TMBIM4: variants seen among roughly 807,000 people sequenced by gnomAD.
TMBIM4 encodes transmembrane BAX inhibitor motif containing 4, also known as protein lifeguard 4.
A neutral mutation model predicts 27.7 loss-of-function variants in TMBIM4; 28 were observed. That is an observed-to-expected ratio of 1.01 (90% CI 0.75 to 1.38). The LOEUF is 1.38. TMBIM4 is among the 40% of genes most tolerant of loss of function. TMBIM4 has a pLI of 0.00. For synonymous variants in TMBIM4, 115 were observed against 113.1 expected, an observed-to-expected ratio of 1.02 and a Z score of -0.11; for missense variants, 265 against 277.5, an observed-to-expected ratio of 0.95 and a Z score of 0.32.
In TMBIM4 at chr12:66,154,497, T is replaced by C. The variant is rs574638991; in HGVS notation, c.98-1049A>G. ...CATTAAATTTATGAAGGGTAAATTT[T>C]ACTAGTCAGGGAAGAGAAAAAGTAT... is the stretch of plus-strand genomic sequence containing the variant. On this transcript the variant is annotated intron_variant, in intron 1 of 6. Coordinates refer to ENST00000358230, the MANE Select transcript of TMBIM4 (RefSeq NM_016056.4). Among the ~76,000 whole-genome samples the C allele has an allele frequency of 2.6e-5, 4 of 152,342 alleles. No individual in the cohort carries two copies. In the South Asian group the frequency reaches 8.3e-4, roughly 32 times the overall value.
chr12:66,145,882 A>G lies in TMBIM4; in HGVS notation c.423T>C (p.Tyr141=). 1.2e-6 allele frequency: 2 copies of G among 1,609,096 alleles called. No individual in the cohort carries two copies. Among genetic ancestry groups the G allele is most frequent in the Non-Finnish European group, 1.7e-6 (2 of 1,175,924 alleles). The change falls in exon 5 of 7, where the codon TAT becomes TAC. Residue 141 remains tyrosine, a synonymous_variant. Coordinates refer to ENST00000358230, the MANE Select transcript of TMBIM4 (RefSeq NM_016056.4). The part of the protein sequence containing the change: ...TTTVFFGLTV[Y]TLQSKKDFSK... ...TGAAATCCTTCTTAGATTGTAGAGT[A>G]TACACAGTCAAACCAAAAAATACTG...
intron 5 of TMBIM4, among the ~76,000 whole-genome samples, chr12:66,143,467 T>C (rs2051700285): frequency 6.6e-6 from 1 of 152,156 alleles, no homozygotes; most frequent in Non-Finnish European, 1.5e-5. Flanking sequence ...ACATACATCC[T>C]TCATGGCCTA....
Position 66,137,939 on chromosome 12 carries a change from G to C in TMBIM4, c.*21C>G, listed in dbSNP as rs763142045. 17 of 1,605,602 alleles carry C rather than the reference G, an allele frequency of 1.1e-5. No homozygotes were observed. The Admixed American group carries it at 1.2e-4, about 11-fold the overall frequency. Reference sequence around the variant, plus strand: ...ATTAAATTTTTTTTGTTGTTCTTCAGTTGAGCTGAGATACTTTTAATTACT... The same window carrying C: ...ATTAAATTTTTTTTGTTGTTCTTCACTTGAGCTGAGATACTTTTAATTACT... On this transcript the variant is annotated 3_prime_UTR_variant, in exon 7 of 7. Coordinates refer to ENST00000358230, the MANE Select transcript of TMBIM4 (RefSeq NM_016056.4).
Position 66,169,994 on chromosome 12 carries a change from A to G in TMBIM4, c.-43T>C. The G allele has an allele frequency of 7.3e-7, 1 of 1,375,428 alleles. No homozygotes were observed. The highest frequency in any genetic ancestry group is 1.5e-5 in the African/African-American group (1 of 65,408). 85.2% of individuals were successfully genotyped at this position (1,375,428 alleles called of 1,614,324 possible). ...TACCGGTCCCGGTCCACTAACCGCA[A>G]CCGCCTCCTCCCCACTTCCGCGAGG... On this transcript the variant is annotated 5_prime_UTR_variant, in exon 1 of 7. Coordinates refer to ENST00000358230, the MANE Select transcript of TMBIM4 (RefSeq NM_016056.4).
intron 5 of TMBIM4, chr12:66,139,712 A>T (rs1420708112): frequency 6.6e-6 from 3 of 455,944 alleles, no homozygotes; most frequent in Non-Finnish European, 1.3e-5. Context: ...TATGCACAGG[A>T]TTCCCCTAGA....
intron 3 of TMBIM4, among the ~76,000 whole-genome samples, chr12:66,150,622 G>A (rs56365678): frequency 0.22 from 32,822 of 151,606 alleles, 4,195 homozygotes; most frequent in Middle Eastern, 0.32. Flanking sequence ...TATGTTGCCC[G>A]GGCTGGTCTC....
intron 1 of TMBIM4, chr12:66,169,364 G>A (rs910397951): frequency 1.5e-6 from 1 of 646,354 alleles, no homozygotes; most frequent in Admixed American, 2.6e-5. Flanking sequence ...CTGCGGAGAG[G>A]AAATAGTGCC....
intron 5 of TMBIM4, among the ~76,000 whole-genome samples, chr12:66,140,247 A>C (rs540176912): frequency 1.1e-4 from 16 of 152,346 alleles, no homozygotes; most frequent in Admixed American, 9.8e-4. Context: ...CCCTAGTTCA[A>C]GATCGAGGAA....
chr12:66,152,713 A>C (rs1389486127), intron 2 of TMBIM4, among the ~76,000 whole-genome samples: 1 of 152,080 alleles, frequency 6.6e-6, no homozygotes. Context: ...CTTTCTTAGG[A>C]TATTTGCCAT....
chr12:66,139,329 G>C (rs1592532048), intron 5 of TMBIM4, among the ~76,000 whole-genome samples: 1 of 152,164 alleles, frequency 6.6e-6, no homozygotes, highest in East Asian at 1.9e-4. Flanking sequence ...TAAGAAGTCA[G>C]TCTTTTGTTA....
chr12:66,140,871 A>G (rs1476326414), intron 5 of TMBIM4, among the ~76,000 whole-genome samples: 1 of 152,220 alleles, frequency 6.6e-6, no homozygotes, highest in Non-Finnish European at 1.5e-5. Flanking sequence ...AAAAAATGGT[A>G]AAAGTAGCTC....
chr12:66,153,205 G>T, intron 2 of TMBIM4, 135 bp downstream of exon 2: 1 of 594,446 alleles, frequency 1.7e-6, no homozygotes, highest in Non-Finnish European at 2.9e-6. Flanking sequence ...AACTAATCAG[G>T]CTTATAAGAG....
intron 1 of TMBIM4, among the ~76,000 whole-genome samples, chr12:66,157,060 A>G (rs192951584): frequency 3.6e-4 from 55 of 152,258 alleles, no homozygotes; most frequent in East Asian, 2.9e-3. Flanking sequence ...AGCCCCCTCA[A>G]TAAAATTTTA....
intron 1 of TMBIM4, chr12:66,169,386 T>G (rs1238335051): frequency 1.6e-6 from 1 of 626,442 alleles, no homozygotes; most frequent in Non-Finnish European, 2.8e-6. Context: ...TCAGGGAGCT[T>G]CCAGCCTAGC....
In TMBIM4 at chr12:66,158,635, ACT is replaced by A. The variant is rs1352063024; in HGVS notation, c.98-5189_98-5188del. ...CACTGCAGCCTGGTGACAGAGCAAGACTCTGTCTCAAAAAAAAAAAAAAAATT... is the reference window on the plus strand; with the variant it reads ...CACTGCAGCCTGGTGACAGAGCAAGACTGTCTCAAAAAAAAAAAAAAAATT... On this transcript the variant is annotated intron_variant, in intron 1 of 6. Coordinates refer to ENST00000358230, the MANE Select transcript of TMBIM4 (RefSeq NM_016056.4). 2.7e-5 allele frequency among the ~76,000 whole-genome samples: 4 copies of A among 146,798 alleles called. No individual in the cohort carries two copies. In the South Asian group the frequency reaches 6.7e-4, roughly 25 times the overall value.
At chr12:66,146,776 C>T (rs1291419986) in intron 4 of TMBIM4, among the ~76,000 whole-genome samples, 2 of 152,022 alleles carry the variant, frequency 1.3e-5, no homozygotes, top group Non-Finnish European at 2.9e-5. Context: ...TCATTAAATG[C>T]TACATGATTG....
At chr12:66,155,284 A>G (rs1030217954) in intron 1 of TMBIM4, among the ~76,000 whole-genome samples, 4 of 149,230 alleles carry the variant, frequency 2.7e-5, no homozygotes, top group Non-Finnish European at 4.5e-5. Context: ...CAGCCTCCCA[A>G]GCAGCTGGGA....
At position 66,142,415 on chromosome 12, in the gene TMBIM4, G is replaced by T. The variant is rs544500574; in HGVS notation, c.464+3426C>A. On this transcript the variant is annotated intron_variant, in intron 5 of 6. Transcript: ENST00000358230. Reference sequence around the variant, plus strand: ...CAGCATCCGAGATATTACCCTACTTGCAGGCTAACAAGTTAGCCTGGCACA... The same window carrying T: ...CAGCATCCGAGATATTACCCTACTTTCAGGCTAACAAGTTAGCCTGGCACA... Among the ~76,000 whole-genome samples the T allele has an allele frequency of 1.0e-3, 156 of 150,430 alleles. 2 individuals carry two copies. The highest frequency in any genetic ancestry group is 3.5e-3 in the African/African-American group (145 of 40,858).
intron 3 of TMBIM4, among the ~76,000 whole-genome samples, chr12:66,151,421 T>A (rs2051843467): frequency 6.6e-6 from 1 of 151,942 alleles, no homozygotes; most frequent in African/African-American, 2.4e-5. Flanking sequence ...TATTTTTTTG[T>A]AGAGGTGGGG....
Sources: gnomAD v4.1 joint callset for allele counts (sites outside exome capture counted in the v4.1 genomes callset) on GRCh38, gnomAD v4.1.1 for gene constraint, MANE v1.5 for transcripts, NCBI Gene and HGNC (gene_info 2026-07-23, HGNC 2026-07-21) for gene names.